The following NKAIN2 variants were observed in gnomAD, a reference collection of about 807,000 sequenced individuals.
NKAIN2 encodes the protein sodium/potassium-transporting ATPase subunit beta-1-interacting protein 2.
In NKAIN2, 14 loss-of-function variants were observed where a neutral mutation model predicts 32.6. The ratio of observed to expected loss-of-function variants is 0.43; its 90% CI spans 0.28 to 0.67. NKAIN2 has a LOEUF of 0.67. Among genes scored for constraint, NKAIN2 ranks in the 30% least tolerant of loss-of-function variants. The probability of loss-of-function intolerance (pLI) is 0.17; values close to 1 mark genes in which losing one functional copy is unlikely to be tolerated. For missense variants in NKAIN2, 198 were observed against 258.3 expected (o/e 0.77, Z 1.60); for synonymous variants, 80 against 87.2 (o/e 0.92, Z 0.46).
intron 4 of NKAIN2, among the ~76,000 whole-genome samples, chr6:124,663,823 A>ATAAT (rs757606318): frequency 2.3e-4 from 35 of 152,232 alleles, no homozygotes; most frequent in Non-Finnish European, 4.7e-4. Flanking sequence ...TTTGTTATAA[A>ATAAT]TAATTATGTA....
At chr6:124,652,092 A>G (rs1784388367) in intron 3 of NKAIN2, among the ~76,000 whole-genome samples, 1 of 152,166 alleles carries the variant, frequency 6.6e-6, no homozygotes, top group African/African-American at 2.4e-5. Flanking sequence ...CTCCTGTAAT[A>G]TTTTGCTTAG....
chr6:124,064,576 C>T (rs886622715), intron 1 of NKAIN2, among the ~76,000 whole-genome samples: 2 of 151,828 alleles, frequency 1.3e-5, no homozygotes, highest in South Asian at 2.1e-4. Flanking sequence ...CTCTAGGCAA[C>T]GGTAAACTGA....
chr6:124,025,961 T>G (rs1331352251), intron 1 of NKAIN2, among the ~76,000 whole-genome samples: 2 of 152,158 alleles, frequency 1.3e-5, no homozygotes, highest in Non-Finnish European at 2.9e-5. Flanking sequence ...TATAACACCT[T>G]CATTCCTGAG....
At chr6:124,211,051 A>G (rs699378) in intron 1 of NKAIN2, among the ~76,000 whole-genome samples, 104,835 of 150,870 alleles carry the variant, frequency 0.69, 36,704 homozygotes, top group South Asian at 0.76. Context: ...TTTTTCATGG[A>G]GAAAATCATG....
chr6:124,708,432 C>A (rs1395877607), intron 4 of NKAIN2, among the ~76,000 whole-genome samples: 3 of 151,932 alleles, frequency 2.0e-5, no homozygotes, highest in African/African-American at 7.3e-5. Context: ...TTACCTTGGG[C>A]AGTATGGCCA....
At chr6:124,721,374 C>T (rs1462642510) in intron 4 of NKAIN2, among the ~76,000 whole-genome samples, 3 of 148,570 alleles carry the variant, frequency 2.0e-5, no homozygotes, top group Admixed American at 6.7e-5. Flanking sequence ...ACAGCACTCC[C>T]GCCTGGGCGA....
chr6:124,580,919 A>C (rs182147985), intron 3 of NKAIN2, among the ~76,000 whole-genome samples: 106 of 152,356 alleles, frequency 7.0e-4, no homozygotes, highest in African/African-American at 2.5e-3. Context: ...TTTAAAAACA[A>C]AAACTATAAA....
At chr6:124,649,584 G>A (rs1248283625) in intron 3 of NKAIN2, among the ~76,000 whole-genome samples, 6 of 152,136 alleles carry the variant, frequency 3.9e-5, no homozygotes, top group African/African-American at 1.2e-4. Flanking sequence ...GAAGATAGAA[G>A]CAGAGACACT....
intron 1 of NKAIN2, among the ~76,000 whole-genome samples, chr6:124,076,038 G>T (rs982419631): frequency 6.6e-6 from 1 of 152,214 alleles, no homozygotes; most frequent in African/African-American, 2.4e-5. Context: ...CAGGCTCTCT[G>T]TGAGATTAAC....
At chr6:124,020,392 A>C (rs545756124) in intron 1 of NKAIN2, among the ~76,000 whole-genome samples, 3 of 152,236 alleles carry the variant, frequency 2.0e-5, no homozygotes, top group East Asian at 1.9e-4. Flanking sequence ...AGTTTATCCT[A>C]AAATGAAGAT....
chr6:124,784,864 A>G (rs567903895), intron 4 of NKAIN2, among the ~76,000 whole-genome samples: 95 of 151,964 alleles, frequency 6.3e-4, no homozygotes, highest in Non-Finnish European at 1.1e-3. Context: ...TGCTTTCAAG[A>G]TATCTGTTTT....
chr6:124,076,738 C>G (rs528372110), intron 1 of NKAIN2, among the ~76,000 whole-genome samples: 3 of 152,166 alleles, frequency 2.0e-5, no homozygotes, highest in Non-Finnish European at 4.4e-5. Flanking sequence ...GAAAGGTGAG[C>G]CTTCTGCTTT....
chr6:124,353,175 A>G (rs1370261988), intron 2 of NKAIN2, among the ~76,000 whole-genome samples: 1 of 152,116 alleles, frequency 6.6e-6, no homozygotes, highest in Non-Finnish European at 1.5e-5. Flanking sequence ...CTTAATAACT[A>G]TTTTGTGCAA....
At chr6:124,157,912 T>C (rs1349711556) in intron 1 of NKAIN2, among the ~76,000 whole-genome samples, 3 of 152,188 alleles carry the variant, frequency 2.0e-5, no homozygotes, top group Admixed American at 2.0e-4. Context: ...TGACAACAAA[T>C]TTAATTAAAG....
At chr6:123,946,934 G>A (rs1777090670) in intron 1 of NKAIN2, among the ~76,000 whole-genome samples, 1 of 152,144 alleles carries the variant, frequency 6.6e-6, no homozygotes, top group Non-Finnish European at 1.5e-5. Flanking sequence ...ACTGGGAAAC[G>A]ATCATTCAAG....
chr6:124,823,117 G>T, intron 6 of NKAIN2, 103 bp from the exon 7 acceptor site: 7 of 839,246 alleles, frequency 8.3e-6, no homozygotes, highest in Admixed American at 3.8e-5. Flanking sequence ...TTTTTTGTTT[G>T]TTTGTTTGTT....
intron 1 of NKAIN2, among the ~76,000 whole-genome samples, chr6:124,130,470 C>T (rs1786417363): frequency 6.6e-6 from 1 of 152,062 alleles, no homozygotes; most frequent in African/African-American, 2.4e-5. Flanking sequence ...AAATATTTCT[C>T]ATCTGTACTA....
At chr6:124,294,998 T>G (rs73773718) in intron 2 of NKAIN2, among the ~76,000 whole-genome samples, 7,253 of 152,234 alleles carry the variant, frequency 0.048, 596 homozygotes, top group African/African-American at 0.17. Flanking sequence ...ACAATTCATT[T>G]TTATGGGAGT....
At chr6:124,614,101 A>G (rs1244461344) in intron 3 of NKAIN2, among the ~76,000 whole-genome samples, 2 of 152,162 alleles carry the variant, frequency 1.3e-5, no homozygotes, top group Middle Eastern at 3.2e-3. Flanking sequence ...ATTTTTAAAA[A>G]TGAATCATCT....
Sources: allele counts gnomAD v4.1 joint callset (sites outside exome capture counted in the v4.1 genomes callset), GRCh38; gene constraint gnomAD v4.1.1; transcripts MANE v1.5; gene names NCBI Gene and HGNC (gene_info 2026-07-23, HGNC 2026-07-21).